Variants in VPS33A observed in about 807,000 individuals in gnomAD.
VPS33A encodes the protein vacuolar protein sorting-associated protein 33A.
Under a neutral mutation model 71.8 loss-of-function variants are expected in VPS33A, and 32 were observed. That is an observed-to-expected ratio of 0.45 (90% CI 0.34 to 0.60). The LOEUF (loss-of-function observed/expected upper bound fraction) is 0.60. Among genes scored for constraint, VPS33A ranks in the 20% least tolerant of loss-of-function variants. The pLI, the probability that VPS33A is intolerant of heterozygous loss-of-function variation, is 0.02. For synonymous variants in VPS33A, 311 were observed against 292.7 expected (o/e 1.06, Z -0.64); for missense variants, 625 against 748.5 (o/e 0.84, Z 1.92).
Position 122,232,447 on chromosome 12 carries a change from G to T in VPS33A, c.1610-20C>A, listed in dbSNP as rs200437135. The T allele has an allele frequency of 6.2e-7, 1 of 1,600,840 alleles. No homozygotes were observed. The highest frequency in any genetic ancestry group is 1.7e-5 in the Admixed American group (1 of 57,546). ...GTTGACCTAAAATTTAAACATTTCA[G>T]AATTAAAAACTATTTATTATTAATG... On this transcript the variant is annotated intron_variant, in intron 12 of 12. Transcript: ENST00000267199.
intron 4 of VPS33A, among the ~76,000 whole-genome samples, chr12:122,253,887 T>A (rs556968896): frequency 3.6e-4 from 54 of 152,038 alleles, no homozygotes; most frequent in African/African-American, 1.3e-3. Context: ...TTAATAGAGA[T>A]GGGGTTTCAC....
rs368212510 is a variant in VPS33A at position 122,266,452 on chromosome 12, C to T, written c.-44G>A. ...GCCCCACAACGCCAACCGAGTCCGC[C>T]GGTTCCTACGGGAGGACCACGGACG... On this transcript the variant is annotated 5_prime_UTR_variant, in exon 1 of 13. Coordinates refer to ENST00000267199, the MANE Select transcript of VPS33A (RefSeq NM_022916.6). 2.1e-5 allele frequency: 34 copies of T among 1,585,996 alleles called. No individual in the cohort carries two copies. The South Asian group carries it at 2.9e-4, about 14-fold the overall frequency.
At position 122,232,029 on chromosome 12, in the gene VPS33A, T is replaced by A; in HGVS notation, c.*217A>T. On this transcript the variant is annotated 3_prime_UTR_variant, in exon 13 of 13. Transcript: ENST00000267199. ...GTGAGACCGTGCCACTGCACTCTAG[T>A]CTGGGTGACAGAGCAAGACTCCGTC... The A allele has an allele frequency of 2.1e-6, 1 of 486,472 alleles. No homozygotes were observed. Among genetic ancestry groups the A allele is most frequent in the Non-Finnish European group, 3.5e-6 (1 of 284,424 alleles). 30.1% of individuals were successfully genotyped at this position (486,472 alleles called of 1,614,324 possible).
chr12:122,262,007 A>C (rs1389130564), intron 3 of VPS33A, among the ~76,000 whole-genome samples: 1 of 151,972 alleles, frequency 6.6e-6, no homozygotes, highest in Non-Finnish European at 1.5e-5. Context: ...ATCTCAAAAT[A>C]AATAAATAAA....
At chr12:122,244,169 C>T (rs1300352947) in intron 7 of VPS33A, among the ~76,000 whole-genome samples, 2 of 152,104 alleles carry the variant, frequency 1.3e-5, no homozygotes, top group Non-Finnish European at 2.9e-5. Flanking sequence ...GCTGACTTCC[C>T]CTGCCGCAGT....
At chr12:122,237,655 T>C (rs1954647946) in intron 10 of VPS33A, among the ~76,000 whole-genome samples, 1 of 138,252 alleles carries the variant, frequency 7.2e-6, no homozygotes, top group African/African-American at 3.0e-5. Context: ...GCCATTCTCC[T>C]GCCTCAGCCT....
Position 122,231,185 on chromosome 12 carries a change from A to C in VPS33A, c.*1061T>G, listed in dbSNP as rs1448648794. 6.6e-6 allele frequency: 1 copy of C among 152,224 alleles called. No individual in the cohort carries two copies. Among genetic ancestry groups the C allele is most frequent in the Non-Finnish European group, 1.5e-5 (1 of 68,030 alleles). 9.4% of individuals were successfully genotyped at this position (152,224 alleles called of 1,614,324 possible). A position where few individuals can be genotyped will look rare whatever the true frequency, so the allele number is the denominator to read the frequency against. The stretch of plus-strand genomic sequence containing the variant: ...TGTGTCTGGAGTTAACGTGTGTGCT[A>C]AGAAACTGTCTTTGAATTACTTCAA... On this transcript the variant is annotated 3_prime_UTR_variant, in exon 13 of 13. Coordinates refer to ENST00000267199, the MANE Select transcript of VPS33A (RefSeq NM_022916.6).
At chr12:122,260,906 C>T (rs1202446403) in intron 4 of VPS33A, among the ~76,000 whole-genome samples, 3 of 152,132 alleles carry the variant, frequency 2.0e-5, no homozygotes, top group African/African-American at 4.8e-5. Context: ...ACCCAAGAGG[C>T]GGAGGCTGCA....
At chr12:122,247,739 A>C (rs1389314203) in intron 6 of VPS33A, among the ~76,000 whole-genome samples, 1 of 152,078 alleles carries the variant, frequency 6.6e-6, no homozygotes, top group East Asian at 1.9e-4. Context: ...CTAGTTCCAC[A>C]CTTTTTTATC....
chr12:122,252,430 G>A (rs2136140783), intron 4 of VPS33A, among the ~76,000 whole-genome samples: 1 of 152,090 alleles, frequency 6.6e-6, no homozygotes, highest in African/African-American at 2.4e-5. Context: ...CACCACGCCT[G>A]GCTAATTTTT....
intron 6 of VPS33A, among the ~76,000 whole-genome samples, chr12:122,245,612 T>C (rs1435941947): frequency 1.3e-5 from 2 of 151,990 alleles, no homozygotes; most frequent in Admixed American, 6.6e-5. Context: ...CCCGGCTAAT[T>C]TTCTTGTATT....
At chr12:122,253,918 C>T (rs1215913981) in intron 4 of VPS33A, among the ~76,000 whole-genome samples, 2 of 152,020 alleles carry the variant, frequency 1.3e-5, no homozygotes, top group Non-Finnish European at 2.9e-5. Flanking sequence ...AGGCTGGTCT[C>T]GAACCCCTAA....
intron 3 of VPS33A, among the ~76,000 whole-genome samples, chr12:122,261,745 G>A (rs1954998369): frequency 6.6e-6 from 1 of 151,806 alleles, no homozygotes; most frequent in Non-Finnish European, 1.5e-5. Context: ...GCTCATGCCT[G>A]TAATCCCAGC....
intron 1 of VPS33A, among the ~76,000 whole-genome samples, chr12:122,264,442 G>A (rs990997195): frequency 5.3e-5 from 8 of 152,202 alleles, no homozygotes; most frequent in South Asian, 4.2e-4. Flanking sequence ...CCAGGCTAGC[G>A]TGCAGTGGTG....
chr12:122,248,839 G>C (rs1197692056), intron 6 of VPS33A: 1 of 152,192 alleles, frequency 6.6e-6, no homozygotes, highest in Non-Finnish European at 1.5e-5. Flanking sequence ...GGAGACCCTT[G>C]GCCTCTGCTC....
At chr12:122,248,675 A>C (rs947553020) in intron 6 of VPS33A, 1 of 151,932 alleles carries the variant, frequency 6.6e-6, no homozygotes, top group African/African-American at 2.4e-5. Flanking sequence ...GCTCGTCATG[A>C]CTCTGTGTAT....
intron 6 of VPS33A, among the ~76,000 whole-genome samples, chr12:122,247,461 T>C (rs1954790476): frequency 6.6e-6 from 1 of 152,178 alleles, no homozygotes; most frequent in Non-Finnish European, 1.5e-5. Context: ...TAAATTCCTC[T>C]GTCAATAAAT....
At chr12:122,262,706 G>A (rs1007333964) in intron 3 of VPS33A, among the ~76,000 whole-genome samples, 2 of 150,420 alleles carry the variant, frequency 1.3e-5, no homozygotes, top group African/African-American at 4.9e-5. Flanking sequence ...TACTGACACA[G>A]GTTTAAGCTT....
At chr12:122,242,567 T>G in intron 7 of VPS33A, 59 bp from the exon 8 acceptor site, 1 of 1,537,484 alleles carries the variant, frequency 6.5e-7, no homozygotes, top group Admixed American at 1.9e-5. Context: ...TATTTTATTT[T>G]TTTGAGAAGG....
Sources: allele counts gnomAD v4.1 joint callset (sites outside exome capture counted in the v4.1 genomes callset), GRCh38; gene constraint gnomAD v4.1.1; transcripts MANE v1.5; gene names NCBI Gene and HGNC (gene_info 2026-07-23, HGNC 2026-07-21).